The following CENPP variants were observed in gnomAD, a reference collection of about 807,000 sequenced individuals.
The protein encoded by CENPP is centromere protein P.
Under a neutral mutation model 35.6 loss-of-function variants are expected in CENPP, and 24 were observed. The ratio of observed to expected loss-of-function variants is 0.67; its 90% CI spans 0.49 to 0.95. The LOEUF is 0.95. Among genes scored for constraint, CENPP ranks in the 40% least tolerant of loss-of-function variants. CENPP has a pLI of 0.00. For missense variants in CENPP, 332 were observed against 345.3 expected (o/e 0.96, Z 0.31); for synonymous variants, 120 against 125.5 (o/e 0.96, Z 0.29).
intron 5 of CENPP, among the ~76,000 whole-genome samples, chr9:92,535,453 T>C (rs1471383033): frequency 1.3e-5 from 2 of 152,174 alleles, no homozygotes; most frequent in Non-Finnish European, 2.9e-5. Context: ...TATCCCAACA[T>C]TAAATATTAT....
intron 4 of CENPP, among the ~76,000 whole-genome samples, chr9:92,361,887 C>T (rs1267897743): frequency 6.6e-6 from 1 of 152,034 alleles, no homozygotes. Context: ...ATATGCTTTC[C>T]ATATGCCAGT....
At chr9:92,582,442 C>T (rs542786991) in intron 5 of CENPP, among the ~76,000 whole-genome samples, 1 of 152,210 alleles carries the variant, frequency 6.6e-6, no homozygotes, top group Non-Finnish European at 1.5e-5. Flanking sequence ...AATTGTGGGA[C>T]ATCCAGATAG....
intron 5 of CENPP, among the ~76,000 whole-genome samples, chr9:92,595,047 C>A (rs1251403840): frequency 6.6e-6 from 1 of 151,836 alleles, no homozygotes; most frequent in East Asian, 1.9e-4. Flanking sequence ...TAGGCGCAAG[C>A]CACCAAGCGC....
At chr9:92,589,744 A>AT (rs1850625195) in intron 5 of CENPP, among the ~76,000 whole-genome samples, 1 of 152,140 alleles carries the variant, frequency 6.6e-6, no homozygotes, top group South Asian at 2.1e-4. Context: ...ATACAGACCT[A>AT]TTTTTTATTT....
chr9:92,326,030 T>C lies in CENPP; in HGVS notation c.32T>C (p.Leu11Ser). ...GCAGAGCTGGCAGAGGTGCGCGCCT[T>C]GCAAGCTGAGATCGCGGCCCTGCGG... Reference protein sequence around the residue: MDAELAEVRALQAEIAALRRA... With the variant: MDAELAEVRASQAEIAALRRA... Residue 11 changes from leucine (L) to serine (S), a missense_variant, in exon 1 of 8, where the codon TTG becomes TCG. Physicochemically the swap from Leu to Ser is moderately radical, Grantham distance 145. Coordinates refer to ENST00000375587, the MANE Select transcript of CENPP (RefSeq NM_001012267.3). 6.4e-7 allele frequency: 1 copy of C among 1,558,300 alleles called. No homozygotes were observed. The highest frequency in any genetic ancestry group is 8.7e-7 in the Non-Finnish European group (1 of 1,151,848).
chr9:92,588,986 C>G (rs1850607022), intron 5 of CENPP, among the ~76,000 whole-genome samples: 1 of 152,026 alleles, frequency 6.6e-6, no homozygotes, highest in Non-Finnish European at 1.5e-5. Context: ...AAATATAGCT[C>G]TGCTTAATAT....
intron 5 of CENPP, chr9:92,416,622 C>G (rs200067554): frequency 6.6e-7 from 1 of 1,517,680 alleles, no homozygotes; most frequent in Non-Finnish European, 8.9e-7. Flanking sequence ...TACATACTTT[C>G]TATTTCATTA....
At chr9:92,508,259 A>G (rs918239276) in intron 5 of CENPP, among the ~76,000 whole-genome samples, 2 of 152,222 alleles carry the variant, frequency 1.3e-5, no homozygotes, top group African/African-American at 4.8e-5. Context: ...AGCCGGGGGT[A>G]TCTGAGCCGG....
chr9:92,517,986 T>C, intron 5 of CENPP: 1 of 1,255,588 alleles, frequency 8.0e-7, no homozygotes, highest in Non-Finnish European at 1.1e-6. Context: ...AAGAATAGAA[T>C]TCTATGTGCA....
chr9:92,440,448 C>A (rs1226877050), intron 5 of CENPP, among the ~76,000 whole-genome samples: 2 of 152,188 alleles, frequency 1.3e-5, no homozygotes, highest in East Asian at 3.9e-4. Context: ...ACATTCAAAG[C>A]CATCCTGGGC....
At chr9:92,433,378 C>T (rs550059732) in intron 5 of CENPP, among the ~76,000 whole-genome samples, 2 of 152,210 alleles carry the variant, frequency 1.3e-5, no homozygotes, top group Non-Finnish European at 1.5e-5. Context: ...AAATTCCTCC[C>T]GCAATCAGTT....
At chr9:92,422,584 G>A (rs1843840548) in intron 5 of CENPP, among the ~76,000 whole-genome samples, 1 of 152,148 alleles carries the variant, frequency 6.6e-6, no homozygotes, top group Non-Finnish European at 1.5e-5. Context: ...CTTTCCTTGA[G>A]GAACAATTTC....
At chr9:92,355,942 T>C (rs1381410207) in intron 4 of CENPP, among the ~76,000 whole-genome samples, 2 of 152,254 alleles carry the variant, frequency 1.3e-5, no homozygotes, top group African/African-American at 2.4e-5. Context: ...TGTGTATTAA[T>C]AGTGAATATG....
In CENPP at chr9:92,459,677, T is replaced by C. The variant is rs1356235150; in HGVS notation, c.564+79818T>C. On this transcript the variant is annotated intron_variant, in intron 5 of 7. Transcript: ENST00000375587. ...GTAATCCTGAAGGGATTTTTTTTAG[T>C]TTATTGTTTTCCAAATGTATTTCTC... 2.5e-6 allele frequency: 4 copies of C among 1,613,116 alleles called. No homozygotes were observed. In the Admixed American group the frequency reaches 5.0e-5, roughly 20 times the overall value.
intron 5 of CENPP, among the ~76,000 whole-genome samples, chr9:92,561,765 C>T (rs1283922922): frequency 1.3e-5 from 2 of 152,092 alleles, no homozygotes; most frequent in Non-Finnish European, 2.9e-5. Context: ...ATACAGTATA[C>T]CTGACAGATG....
At chr9:92,337,488 A>G (rs917991769) in intron 2 of CENPP, 53 bp from the exon 3 acceptor site, 2 of 1,011,576 alleles carry the variant, frequency 2.0e-6, no homozygotes, top group Non-Finnish European at 3.1e-6. Flanking sequence ...AATAATACAC[A>G]TTTGAAGAAA....
intron 4 of CENPP, among the ~76,000 whole-genome samples, chr9:92,367,235 C>T (rs761388901): frequency 2.0e-5 from 3 of 152,098 alleles, no homozygotes; most frequent in East Asian, 1.9e-4. Context: ...GGCACAATCT[C>T]GGCTCACTAC....
intron 5 of CENPP, among the ~76,000 whole-genome samples, chr9:92,409,435 A>C (rs1368451697): frequency 6.6e-6 from 1 of 152,160 alleles, no homozygotes; most frequent in Non-Finnish European, 1.5e-5. Context: ...TCTTTTTTAC[A>C]TCATGGAGCT....
At chr9:92,401,166 A>G (rs1399232727) in intron 5 of CENPP, 9 of 1,506,958 alleles carry the variant, frequency 6.0e-6, no homozygotes, top group Non-Finnish European at 7.4e-6. Context: ...CTCATTGGGT[A>G]TTATCACAGT....
Sources: gnomAD v4.1 joint callset for allele counts (sites outside exome capture counted in the v4.1 genomes callset) on GRCh38, gnomAD v4.1.1 for gene constraint, MANE v1.5 for transcripts, NCBI Gene and HGNC (gene_info 2026-07-23, HGNC 2026-07-21) for gene names.